NDUFAF2: variants seen among roughly 807,000 people sequenced by gnomAD.
NDUFAF2 encodes the protein NADH dehydrogenase [ubiquinone] 1 alpha subcomplex assembly factor 2.
Under a neutral mutation model 22.8 loss-of-function variants are expected in NDUFAF2, and 13 were observed. The ratio of observed to expected loss-of-function variants is 0.57; its 90% CI spans 0.37 to 0.91. The LOEUF is 0.91. Ranked by LOEUF, NDUFAF2 falls within the 40% of genes least tolerant of loss-of-function variation. NDUFAF2 has a pLI of 0.01. For synonymous variants in NDUFAF2, 53 were observed against 64.2 expected (o/e 0.83, Z 0.84); for missense variants, 162 against 195.2 (o/e 0.83, Z 1.01).
intron 1 of NDUFAF2, among the ~76,000 whole-genome samples, chr5:61,034,954 TTC>T (rs1324824712): frequency 6.8e-6 from 1 of 146,808 alleles, no homozygotes; most frequent in Non-Finnish European, 1.5e-5. Flanking sequence ...AACAAATATG[TTC>T]TCTTTTGTTA....
intron 3 of NDUFAF2, among the ~76,000 whole-genome samples, chr5:61,146,988 A>C (rs2111831869): frequency 6.6e-6 from 1 of 151,736 alleles, no homozygotes; most frequent in South Asian, 2.1e-4. Flanking sequence ...TTCTTTCCTC[A>C]TGTTGATTTT....
chr5:61,095,352 C>G (rs748748046), intron 2 of NDUFAF2, among the ~76,000 whole-genome samples: 3 of 152,194 alleles, frequency 2.0e-5, no homozygotes, highest in Non-Finnish European at 2.9e-5. Context: ...ATCCAAACAG[C>G]AAAGATGGTG....
At chr5:60,957,721 T>C (rs1750635758) in intron 1 of NDUFAF2, among the ~76,000 whole-genome samples, 1 of 152,174 alleles carries the variant, frequency 6.6e-6, no homozygotes, top group Non-Finnish European at 1.5e-5. Context: ...CTGTATTCAA[T>C]ACAGAGTTCC....
chr5:61,002,365 TTC>T (rs1443750988), intron 1 of NDUFAF2, among the ~76,000 whole-genome samples: 3 of 152,162 alleles, frequency 2.0e-5, no homozygotes, highest in African/African-American at 7.2e-5. Context: ...GTCATATTTT[TTC>T]TTATTCATTC....
At chr5:60,975,895 C>T (rs1186571764) in intron 1 of NDUFAF2, among the ~76,000 whole-genome samples, 1 of 152,136 alleles carries the variant, frequency 6.6e-6, no homozygotes, top group Non-Finnish European at 1.5e-5. Context: ...GATTTAGCAA[C>T]ATGTAGGTCA....
intron 2 of NDUFAF2, among the ~76,000 whole-genome samples, chr5:61,079,594 T>G (rs906636533): frequency 6.6e-6 from 1 of 152,230 alleles, no homozygotes; most frequent in Non-Finnish European, 1.5e-5. Flanking sequence ...CCAGTACACT[T>G]GAATAGAAAA....
chr5:61,011,001 A>G (rs943152733), intron 1 of NDUFAF2, among the ~76,000 whole-genome samples: 1 of 152,126 alleles, frequency 6.6e-6, no homozygotes, highest in Admixed American at 6.6e-5. Context: ...AGGACAGCAG[A>G]GTAGCCAGAT....
At chr5:61,119,913 T>A (rs1459136904) in intron 3 of NDUFAF2, among the ~76,000 whole-genome samples, 1 of 152,140 alleles carries the variant, frequency 6.6e-6, no homozygotes, top group Non-Finnish European at 1.5e-5. Context: ...CATTTAAAAA[T>A]TTTTTTAAAT....
chr5:61,008,252 T>A (rs1258653010), intron 1 of NDUFAF2, among the ~76,000 whole-genome samples: 2 of 151,914 alleles, frequency 1.3e-5, no homozygotes, highest in Non-Finnish European at 2.9e-5. Flanking sequence ...TGTATACATA[T>A]GTAACTAACC....
At chr5:60,945,757 T>C (rs1395166174) in intron 1 of NDUFAF2, among the ~76,000 whole-genome samples, 1 of 152,200 alleles carries the variant, frequency 6.6e-6, no homozygotes, top group Non-Finnish European at 1.5e-5. Context: ...CGGAAATCTT[T>C]CACCAAAGGG....
intron 3 of NDUFAF2, among the ~76,000 whole-genome samples, chr5:61,121,043 T>G (rs1752969903): frequency 6.6e-6 from 1 of 152,142 alleles, no homozygotes; most frequent in South Asian, 2.1e-4. Context: ...ATTGTATTGA[T>G]CACATTGGTG....
intron 1 of NDUFAF2, among the ~76,000 whole-genome samples, chr5:60,945,990 TC>T (rs1348614783): frequency 2.0e-5 from 3 of 152,170 alleles, no homozygotes; most frequent in Non-Finnish European, 2.9e-5. Flanking sequence ...GCTCGCTGAT[TC>T]CTTTCTCGGG....
chr5:61,075,370 A>C (rs1421160041), intron 2 of NDUFAF2, among the ~76,000 whole-genome samples: 3 of 152,162 alleles, frequency 2.0e-5, no homozygotes, highest in African/African-American at 7.2e-5. Flanking sequence ...AGTAGATACC[A>C]AAGGTTTTTT....
rs186476482 is a variant in NDUFAF2 at position 61,152,636 on chromosome 5, G to A, written c.259-68G>A. On this transcript the variant is annotated intron_variant, in intron 3 of 3. Transcript: ENST00000296597. ...GTATATAATGTATTTTATTTTTATT[G>A]GCTATTTTTATAAAAACTTTTTTTA... 3.3e-5 allele frequency: 36 copies of A among 1,104,544 alleles called. No individual in the cohort carries two copies. The African/African-American group carries it at 5.4e-4, about 17-fold the overall frequency. The allele number at this position is 1,104,544 out of a possible 1,614,324, so 68.4% of individuals were successfully genotyped here.
At chr5:61,040,760 A>G (rs1751871465) in intron 1 of NDUFAF2, among the ~76,000 whole-genome samples, 1 of 151,910 alleles carries the variant, frequency 6.6e-6, no homozygotes, top group Non-Finnish European at 1.5e-5. Flanking sequence ...AAGTATGCAT[A>G]TTAGAGAGAG....
At chr5:61,145,834 C>G (rs1427772854) in intron 3 of NDUFAF2, 1 of 152,100 alleles carries the variant, frequency 6.6e-6, no homozygotes, top group Non-Finnish European at 1.5e-5. Context: ...CTCTTCTTCC[C>G]TGAGATTGGT....
intron 1 of NDUFAF2, 112 bp downstream of exon 1, chr5:60,945,494 C>T: frequency 6.8e-7 from 1 of 1,465,204 alleles, no homozygotes; most frequent in Non-Finnish European, 9.5e-7. Context: ...CTTAGGGTGT[C>T]ACCGGAGAGA....
At chr5:61,037,508 G>A (rs1751814817) in intron 1 of NDUFAF2, among the ~76,000 whole-genome samples, 1 of 152,134 alleles carries the variant, frequency 6.6e-6, no homozygotes, top group South Asian at 2.1e-4. Context: ...AATGTTCTGG[G>A]AGAGGTTACA....
At chr5:61,066,556 A>G (rs540072478) in intron 1 of NDUFAF2, among the ~76,000 whole-genome samples, 5 of 152,170 alleles carry the variant, frequency 3.3e-5, no homozygotes, top group African/African-American at 1.2e-4. Context: ...AACAGAATAG[A>G]GAGCCTAGAA....
Sources: gnomAD v4.1 joint callset for allele counts (sites outside exome capture counted in the v4.1 genomes callset) on GRCh38, gnomAD v4.1.1 for gene constraint, MANE v1.5 for transcripts, NCBI Gene and HGNC (gene_info 2026-07-23, HGNC 2026-07-21) for gene names.